Variants in ZNF569 observed in about 807,000 individuals in gnomAD.
ZNF569 encodes the protein zinc finger protein 569.
ZNF569 carries 38 observed loss-of-function variants against 56.3 expected under a neutral mutation model. The observed-to-expected ratio is 0.68, with a 90% CI of 0.52 to 0.88. The LOEUF (loss-of-function observed/expected upper bound fraction) is 0.88. Ranked by LOEUF, ZNF569 falls within the 40% of genes least tolerant of loss-of-function variation. The pLI is 0.00. For missense variants in ZNF569, 666 were observed against 809.2 expected (o/e 0.82, Z 2.15); for synonymous variants, 241 against 262.9 (o/e 0.92, Z 0.81).
intron 5 of ZNF569, among the ~76,000 whole-genome samples, chr19:37,416,261 A>C (rs1285943602): frequency 7.0e-6 from 1 of 142,860 alleles, no homozygotes; most frequent in Non-Finnish European, 1.5e-5. Flanking sequence ...AAAAAAACAA[A>C]AAAACAAAAA....
At chr19:37,427,756 A>C (rs1348160122) in intron 3 of ZNF569, 1 of 509,890 alleles carries the variant, frequency 2.0e-6, no homozygotes, top group East Asian at 5.5e-5. Context: ...CAGAGGAAAA[A>C]AACCCTGAAA....
At chr19:37,458,534 T>C (rs907924583) in intron 2 of ZNF569, among the ~76,000 whole-genome samples, 3 of 152,220 alleles carry the variant, frequency 2.0e-5, no homozygotes, top group African/African-American at 4.8e-5. Context: ...TATCATTTGA[T>C]TGGGATATCC....
At position 37,413,345 on chromosome 19, in the gene ZNF569, T is replaced by C. The variant is rs748476624; in HGVS notation, c.1313A>G (p.Tyr438Cys). The change falls in exon 6 of 6, where the codon TAT becomes TGT. Residue 438 changes from tyrosine to cysteine, a missense_variant. Transcript: ENST00000316950. ...AGCTTTCCCACATTCATTACACTCA[T>C]AAGGTTTCTCTCTAGTATGAATTTT... The part of the protein sequence containing the change: ...HQKIHTREKP[Y>C]ECNECGKAFI... 1 of 1,607,970 alleles carries C rather than the reference T, an allele frequency of 6.2e-7. No homozygotes were observed. The highest frequency in any genetic ancestry group is 8.5e-7 in the Non-Finnish European group (1 of 1,178,200).
At chr19:37,456,421 T>C (rs553829358) in intron 2 of ZNF569, among the ~76,000 whole-genome samples, 78 of 152,328 alleles carry the variant, frequency 5.1e-4, no homozygotes, top group Non-Finnish European at 1.0e-3. Context: ...AAACTGATCA[T>C]CTAAGTGTCT....
chr19:37,411,893 C>CA lies in ZNF569; in HGVS notation c.*703dup, dbSNP rs1238776971. 6.6e-6 allele frequency: 1 copy of CA among 152,116 alleles called. No homozygotes were observed. The highest frequency in any genetic ancestry group is 6.5e-5 in the Admixed American group (1 of 15,276). 9.4% of individuals were successfully genotyped at this position (152,116 alleles called of 1,614,324 possible). A position where few individuals can be genotyped will look rare whatever the true frequency, so the allele number is the denominator to read the frequency against. On this transcript the variant is annotated 3_prime_UTR_variant, in exon 6 of 6. Coordinates refer to ENST00000316950, the MANE Select transcript of ZNF569 (RefSeq NM_152484.3). The stretch of plus-strand genomic sequence containing the variant: ...ACTTGGTAATACATTGTTTAAATGA[C>CA]AGCAGCTTTAAATAAGTACATGATA...
chr19:37,415,641 C>T (rs1395738146), intron 5 of ZNF569, among the ~76,000 whole-genome samples: 8 of 151,162 alleles, frequency 5.3e-5, no homozygotes, highest in Middle Eastern at 6.8e-3. Context: ...GAGGCCAAGG[C>T]GGGCGGATCG....
At chr19:37,453,372 G>A (rs1418156139) in intron 2 of ZNF569, among the ~76,000 whole-genome samples, 1 of 152,162 alleles carries the variant, frequency 6.6e-6, no homozygotes, top group East Asian at 1.9e-4. Context: ...AATTGTTGCT[G>A]AATTAGTATT....
chr19:37,414,859 A>G (rs1215743567), intron 5 of ZNF569, among the ~76,000 whole-genome samples: 1 of 152,160 alleles, frequency 6.6e-6, no homozygotes, highest in Non-Finnish European at 1.5e-5. Context: ...TGACACTACA[A>G]GATGCAAAAA....
At chr19:37,441,894 G>A (rs1473107754) in intron 3 of ZNF569, among the ~76,000 whole-genome samples, 1 of 152,186 alleles carries the variant, frequency 6.6e-6, no homozygotes, top group Non-Finnish European at 1.5e-5. Flanking sequence ...ATATACCCAA[G>A]CTATGAAGAT....
chr19:37,423,964 T>C (rs1177480241), intron 5 of ZNF569, among the ~76,000 whole-genome samples: 4 of 152,158 alleles, frequency 2.6e-5, no homozygotes, highest in African/African-American at 9.7e-5. Flanking sequence ...AAATTCAAAA[T>C]ACGTGTATAT....
intron 2 of ZNF569, among the ~76,000 whole-genome samples, chr19:37,454,334 G>C (rs2041639191): frequency 6.6e-6 from 1 of 151,854 alleles, no homozygotes; most frequent in Non-Finnish European, 1.5e-5. Flanking sequence ...CTTGGTGGGG[G>C]TTGAGTAGAC....
intron 2 of ZNF569, among the ~76,000 whole-genome samples, chr19:37,446,144 C>T (rs894229722): frequency 1.3e-5 from 2 of 152,070 alleles, no homozygotes; most frequent in African/African-American, 2.4e-5. Flanking sequence ...AGAAATAAAG[C>T]CAAATACTTA....
intron 2 of ZNF569, among the ~76,000 whole-genome samples, chr19:37,457,304 G>A (rs533199033): frequency 1.1e-4 from 16 of 152,088 alleles, no homozygotes; most frequent in African/African-American, 1.7e-4. Flanking sequence ...GGATTTAATC[G>A]AGAATTCTAT....
At chr19:37,428,344 A>AATGAATGAATG (rs1555835831) in intron 3 of ZNF569, among the ~76,000 whole-genome samples, 1 of 140,116 alleles carries the variant, frequency 7.1e-6, no homozygotes, top group Non-Finnish European at 1.5e-5. Flanking sequence ...TCTCTACAAT[A>AATGAATGAATG]AATGAATGAA....
At chr19:37,466,347 C>T (rs751909216) in intron 1 of ZNF569, among the ~76,000 whole-genome samples, 6 of 152,008 alleles carry the variant, frequency 3.9e-5, no homozygotes, top group Non-Finnish European at 8.8e-5. Context: ...AACATATTTC[C>T]GGCCGGGCGC....
chr19:37,422,752 G>A (rs2041059425), intron 5 of ZNF569, among the ~76,000 whole-genome samples: 1 of 152,164 alleles, frequency 6.6e-6, no homozygotes. Context: ...AACCACCATT[G>A]AAATGAAGAA....
intron 5 of ZNF569, among the ~76,000 whole-genome samples, chr19:37,415,286 A>C (rs1193394205): frequency 6.6e-6 from 1 of 152,130 alleles, no homozygotes; most frequent in African/African-American, 2.4e-5. Flanking sequence ...TTAATGAAAA[A>C]TGTCAAGTAA....
At chr19:37,432,098 A>C (rs1600311059) in intron 3 of ZNF569, among the ~76,000 whole-genome samples, 1 of 152,010 alleles carries the variant, frequency 6.6e-6, no homozygotes, top group Admixed American at 6.6e-5. Context: ...GGCTGGGGGG[A>C]ACTTGCTACT....
At chr19:37,434,453 C>T (rs562934164) in intron 3 of ZNF569, among the ~76,000 whole-genome samples, 1 of 152,324 alleles carries the variant, frequency 6.6e-6, no homozygotes, top group Admixed American at 6.5e-5. Context: ...CCTTGGGAGG[C>T]CGAGGCGGGC....
Sources: gnomAD v4.1 joint callset for allele counts (sites outside exome capture counted in the v4.1 genomes callset) on GRCh38, gnomAD v4.1.1 for gene constraint, MANE v1.5 for transcripts, NCBI Gene and HGNC (gene_info 2026-07-23, HGNC 2026-07-21) for gene names.